The following FLACC1 variants were observed in gnomAD, a reference collection of about 807,000 sequenced individuals.
FLACC1 encodes flagellum associated containing coiled-coil domains 1.
In FLACC1, 66 loss-of-function variants were observed where a neutral mutation model predicts 62.8. The ratio of observed to expected loss-of-function variants is 1.05; its 90% CI spans 0.86 to 1.29. The LOEUF (loss-of-function observed/expected upper bound fraction) is 1.29, where lower values mean the gene tolerates loss of function less well. FLACC1 is among the 50% of genes most tolerant of loss of function. The probability of loss-of-function intolerance (pLI) is 0.00; values close to 1 mark genes in which losing one functional copy is unlikely to be tolerated. For synonymous variants in FLACC1, 156 were observed against 161.0 expected (o/e 0.97, Z 0.24); for missense variants, 452 against 489.1 (o/e 0.92, Z 0.71).
At chr2:201,329,593 T>C (rs1354398074) in intron 9 of FLACC1, among the ~76,000 whole-genome samples, 1 of 152,202 alleles carries the variant, frequency 6.6e-6, no homozygotes, top group African/African-American at 2.4e-5. Context: ...ACATATACCA[T>C]GGAATACTAT....
chr2:201,363,080 T>C, the FLACC1 span, among the ~76,000 whole-genome samples: 1 of 152,174 alleles, frequency 6.6e-6, no homozygotes, highest in South Asian at 2.1e-4. Context: ...CAGAGCCCTC[T>C]GCTCCACCCT....
chr2:201,293,086 C>T (rs539732205), intron 12 of FLACC1, among the ~76,000 whole-genome samples: 15 of 152,252 alleles, frequency 9.9e-5, no homozygotes, highest in Non-Finnish European at 1.6e-4. Flanking sequence ...GACTTTAACA[C>T]CCCACTGTCA....
At chr2:201,363,581 T>C in the FLACC1 span, among the ~76,000 whole-genome samples, 1 of 151,922 alleles carries the variant, frequency 6.6e-6, no homozygotes, top group African/African-American at 2.4e-5. Flanking sequence ...GCACCCATTT[T>C]CCTCGATCAG....
Position 201,351,251 on chromosome 2 carries a change from C to T in FLACC1, c.113+41G>A, listed in dbSNP as rs1282325036. The T allele has an allele frequency of 3.4e-6, 5 of 1,491,862 alleles. No homozygotes were observed. In the African/African-American group the frequency reaches 4.2e-5, roughly 12 times the overall value. The allele number at this position is 1,491,862 out of a possible 1,614,324, so 92.4% of individuals were successfully genotyped here. On this transcript the variant is annotated intron_variant, in intron 2 of 14. Transcript: ENST00000392257. The stretch of plus-strand genomic sequence containing the variant: ...GAGAGAAATGAGGCTACAAATGGAT[C>T]CCAAGGTCCCTGTGCCTACCCCATC...
At chr2:201,299,489 C>A (rs1285401584) in intron 11 of FLACC1, among the ~76,000 whole-genome samples, 189 bp from the exon 12 acceptor site, 2 of 152,152 alleles carry the variant, frequency 1.3e-5, no homozygotes. Flanking sequence ...TTATGTTCAA[C>A]CTTATCTCAC....
intron 12 of FLACC1, among the ~76,000 whole-genome samples, chr2:201,291,705 G>A (rs1323368624): frequency 2.0e-5 from 3 of 152,188 alleles, no homozygotes; most frequent in African/African-American, 2.4e-5. Context: ...AGAGAAGAAG[G>A]CTTCAGATGA....
intron 3 of FLACC1, among the ~76,000 whole-genome samples, chr2:201,349,478 C>T (rs956936290): frequency 6.6e-6 from 1 of 152,176 alleles, no homozygotes; most frequent in Admixed American, 6.5e-5. Flanking sequence ...GTTTATGGTC[C>T]TCTTCCCCTT....
At chr2:201,305,060 A>C (rs1041985006) in intron 11 of FLACC1, among the ~76,000 whole-genome samples, 4 of 152,258 alleles carry the variant, frequency 2.6e-5, no homozygotes, top group Non-Finnish European at 5.9e-5. Context: ...AAGCAATGGC[A>C]ACAAAAGCCA....
chr2:201,305,835 C>G (rs1194260946), intron 11 of FLACC1, among the ~76,000 whole-genome samples: 1 of 151,354 alleles, frequency 6.6e-6, no homozygotes, highest in African/African-American at 2.4e-5. Flanking sequence ...ATTGCAAGGA[C>G]AGAAAACCAA....
chr2:201,290,001 C>G, intron 12 of FLACC1: 1 of 715,372 alleles, frequency 1.4e-6, no homozygotes, highest in Non-Finnish European at 2.2e-6. Flanking sequence ...GTTCTAATGG[C>G]AATCAGTTAT....
At chr2:201,332,023 T>C (rs948181699) in intron 7 of FLACC1, among the ~76,000 whole-genome samples, 1 of 152,180 alleles carries the variant, frequency 6.6e-6, no homozygotes, top group Admixed American at 6.5e-5. Context: ...ACTCTAAAAC[T>C]ACTCTAAAAA....
At position 201,346,938 on chromosome 2, in the gene FLACC1, T is replaced by C. The variant is rs1377506210; in HGVS notation, c.235-263A>G. Among the ~76,000 whole-genome samples, 2 of 152,132 alleles carry C rather than the reference T, an allele frequency of 1.3e-5. No individual in the cohort carries two copies. The highest frequency in any genetic ancestry group is 2.9e-5 in the Non-Finnish European group (2 of 68,028). On this transcript the variant is annotated intron_variant, in intron 4 of 14. Transcript: ENST00000392257. The surrounding 1 kb of genome is among the most constrained non-coding windows in gnomAD (Gnocchi z 4.0). ...CACTGATGCCCCTGCCCCCGACTTG[T>C]GTTCACCCTCGTGGCCAGAGCCCAG...
At chr2:201,354,762 C>T (rs1178627077) in intron 1 of FLACC1, among the ~76,000 whole-genome samples, 3 of 152,212 alleles carry the variant, frequency 2.0e-5, no homozygotes, top group Non-Finnish European at 4.4e-5. Flanking sequence ...GGAGATTTAG[C>T]AGGAGTCCAT....
At chr2:201,327,659 A>G (rs1950521250) in intron 9 of FLACC1, among the ~76,000 whole-genome samples, 1 of 152,104 alleles carries the variant, frequency 6.6e-6, no homozygotes, top group Non-Finnish European at 1.5e-5. Context: ...GTAAAAAAAC[A>G]ATATATTTTG....
At chr2:201,301,709 C>T (rs1381977587) in intron 11 of FLACC1, among the ~76,000 whole-genome samples, 1 of 152,196 alleles carries the variant, frequency 6.6e-6, no homozygotes, top group South Asian at 2.1e-4. Flanking sequence ...CAAAGGGAAG[C>T]CCATCAGACT....
chr2:201,352,933 A>G (rs1430926699), intron 1 of FLACC1, among the ~76,000 whole-genome samples: 1 of 152,256 alleles, frequency 6.6e-6, no homozygotes, highest in Non-Finnish European at 1.5e-5. Context: ...GGCAGCATCT[A>G]GAAGCTGGAA....
chr2:201,314,156 C>A (rs1950267389), intron 9 of FLACC1, among the ~76,000 whole-genome samples: 1 of 152,142 alleles, frequency 6.6e-6, no homozygotes, highest in African/African-American at 2.4e-5. Context: ...AAACAAGGTT[C>A]TTTAACATCC....
At chr2:201,313,206 T>C (rs1950248352) in intron 9 of FLACC1, among the ~76,000 whole-genome samples, 1 of 152,156 alleles carries the variant, frequency 6.6e-6, no homozygotes, top group Non-Finnish European at 1.5e-5. Context: ...ATAGGAAATC[T>C]CCTGGCCAGA....
At chr2:201,294,149 G>C (rs1361692154) in intron 12 of FLACC1, among the ~76,000 whole-genome samples, 1 of 152,176 alleles carries the variant, frequency 6.6e-6, no homozygotes, top group African/African-American at 2.4e-5. Context: ...GAAAAAGAGG[G>C]AATCCTCCCT....
Sources: gnomAD v4.1 joint callset for allele counts (sites outside exome capture counted in the v4.1 genomes callset) on GRCh38, gnomAD v4.1.1 for gene constraint, Gnocchi (gnomAD v3.1) non-coding constraint, MANE v1.5 for transcripts, NCBI Gene and HGNC (gene_info 2026-07-23, HGNC 2026-07-21) for gene names.